Variants in ADAM2 observed in about 807,000 individuals in gnomAD.
ADAM2 encodes the protein ADAM metallopeptidase domain 2, also known as disintegrin and metalloproteinase domain-containing protein 2.
In ADAM2, 101 loss-of-function variants were observed where a neutral mutation model predicts 99.3. That is an observed-to-expected ratio of 1.02 (90% CI 0.87 to 1.20). ADAM2 has a LOEUF of 1.20. Ranked by LOEUF, ADAM2 falls within the 50% of genes most tolerant of loss-of-function variation. The pLI, the probability that ADAM2 is intolerant of heterozygous loss-of-function variation, is 0.00. For missense variants in ADAM2, 948 were observed against 878.7 expected (o/e 1.08, Z -1.00); for synonymous variants, 323 against 287.6 (o/e 1.12, Z -1.25).
chr8:39,744,410 AT>A (rs1291707619), intron 20 of ADAM2, among the ~76,000 whole-genome samples: 2 of 152,038 alleles, frequency 1.3e-5, no homozygotes, highest in East Asian at 3.8e-4. Flanking sequence ...TATTTAATAT[AT>A]TACGTTCTTT....
intron 7 of ADAM2, among the ~76,000 whole-genome samples, chr8:39,802,257 G>A (rs887485175): frequency 6.6e-6 from 1 of 152,124 alleles, no homozygotes. Flanking sequence ...CTCTCAGGTG[G>A]GCTGCCACAC....
intron 7 of ADAM2, 53 bp downstream of exon 7, chr8:39,809,357 A>G: frequency 1.3e-6 from 1 of 757,974 alleles, no homozygotes; most frequent in South Asian, 1.7e-5. Flanking sequence ...AATTATTATT[A>G]CAATCCCTCA....
chr8:39,751,990 G>A (rs761507170), intron 16 of ADAM2, among the ~76,000 whole-genome samples: 6 of 151,976 alleles, frequency 3.9e-5, no homozygotes, highest in Non-Finnish European at 5.9e-5. Flanking sequence ...GTGCCACCAC[G>A]CCCACTTAAT....
At chr8:39,831,013 C>G (rs1161804233) in intron 3 of ADAM2, among the ~76,000 whole-genome samples, 2 of 152,118 alleles carry the variant, frequency 1.3e-5, no homozygotes, top group African/African-American at 4.8e-5. Context: ...ATTTAAGAAC[C>G]AGGAAATGAG....
chr8:39,780,337 C>T (rs1034141701), intron 10 of ADAM2, among the ~76,000 whole-genome samples: 1 of 151,998 alleles, frequency 6.6e-6, no homozygotes, highest in East Asian at 1.9e-4. Flanking sequence ...GGGGACAGAG[C>T]CAAACCATAT....
chr8:39,807,015 G>A (rs537207924), intron 7 of ADAM2, among the ~76,000 whole-genome samples: 1 of 152,268 alleles, frequency 6.6e-6, no homozygotes, highest in East Asian at 1.9e-4. Flanking sequence ...AGAGATGATC[G>A]GAGCCACTGC....
At chr8:39,825,395 C>G (rs947907528) in intron 3 of ADAM2, among the ~76,000 whole-genome samples, 1 of 151,966 alleles carries the variant, frequency 6.6e-6, no homozygotes, top group Admixed American at 6.6e-5. Flanking sequence ...TATAATTATT[C>G]ATCTCATTTG....
At chr8:39,751,079 A>G (rs1037998960) in intron 16 of ADAM2, among the ~76,000 whole-genome samples, 2 of 152,184 alleles carry the variant, frequency 1.3e-5, no homozygotes, top group Non-Finnish European at 2.9e-5. Context: ...ATTGAGTATG[A>G]AAAAATACAT....
chr8:39,750,896 G>GTAT (rs1801909444), intron 16 of ADAM2, among the ~76,000 whole-genome samples: 1 of 152,114 alleles, frequency 6.6e-6, no homozygotes. Context: ...AATACTCAAA[G>GTAT]CGACTAATGG....
chr8:39,834,732 C>CAAAAAAAAAAA (rs79431764), intron 2 of ADAM2, among the ~76,000 whole-genome samples: 6 of 52,928 alleles, frequency 1.1e-4, no homozygotes, highest in East Asian at 7.3e-4. Context: ...AAGACTCCAT[C>CAAAAAAAAAAA]AAAAAAAAAA....
In ADAM2 at chr8:39,814,521, A is replaced by G. The variant is rs185746791; in HGVS notation, c.514-5055T>C. ...AGACTAAGGAATTGGATCTAGTCAG[A>G]AATATCAGAGAACTCACAGTATTAC... On this transcript the variant is annotated intron_variant, in intron 6 of 20. Transcript: ENST00000265708. Among the ~76,000 whole-genome samples the G allele has an allele frequency of 2.8e-3, 425 of 152,350 alleles. 2 individuals are homozygous for G. The highest frequency in any genetic ancestry group is 9.9e-3 in the African/African-American group (410 of 41,578).
intron 10 of ADAM2, among the ~76,000 whole-genome samples, chr8:39,785,709 T>C (rs1238350959): frequency 6.6e-6 from 1 of 151,220 alleles, no homozygotes; most frequent in African/African-American, 2.4e-5. Context: ...GGCTGGAGAA[T>C]TGCCTGAACC....
chr8:39,831,833 A>G (rs1406467389), intron 3 of ADAM2, among the ~76,000 whole-genome samples: 1 of 152,164 alleles, frequency 6.6e-6, no homozygotes, highest in Admixed American at 6.6e-5. Flanking sequence ...AACTTGATTC[A>G]CTAAAATTTA....
intron 11 of ADAM2, among the ~76,000 whole-genome samples, chr8:39,770,489 A>G (rs1469665411): frequency 2.0e-5 from 3 of 152,192 alleles, no homozygotes; most frequent in African/African-American, 7.2e-5. Context: ...CTCACAAAGT[A>G]TAACACAGTG....
chr8:39,805,181 C>A (rs185717373), intron 7 of ADAM2, among the ~76,000 whole-genome samples: 1 of 152,274 alleles, frequency 6.6e-6, no homozygotes, highest in East Asian at 1.9e-4. Context: ...AGGGCTTTGA[C>A]CTCATGACCT....
At chr8:39,764,523 T>C (rs1294734876) in intron 14 of ADAM2, among the ~76,000 whole-genome samples, 1 of 152,198 alleles carries the variant, frequency 6.6e-6, no homozygotes, top group Non-Finnish European at 1.5e-5. Context: ...ATCTCTCTCA[T>C]AGTTACCATC....
chr8:39,773,999 C>G (rs1217043652), intron 11 of ADAM2, among the ~76,000 whole-genome samples: 1 of 151,852 alleles, frequency 6.6e-6, no homozygotes, highest in Non-Finnish European at 1.5e-5. Context: ...ATTCCTCATT[C>G]CTTGATGCAG....
chr8:39,756,455 T>C (rs1445766583), intron 15 of ADAM2, among the ~76,000 whole-genome samples: 3 of 152,154 alleles, frequency 2.0e-5, no homozygotes, highest in Non-Finnish European at 4.4e-5. Flanking sequence ...AACCATAAGA[T>C]TTTTATTTGG....
chr8:39,747,524 C>G (rs1823525674), intron 18 of ADAM2, among the ~76,000 whole-genome samples: 2 of 152,092 alleles, frequency 1.3e-5, no homozygotes, highest in Non-Finnish European at 2.9e-5. Context: ...TTAAGTTTTT[C>G]TGAGATTTTA....
Sources: gnomAD v4.1 joint callset for allele counts (sites outside exome capture counted in the v4.1 genomes callset) on GRCh38, gnomAD v4.1.1 for gene constraint, MANE v1.5 for transcripts, NCBI Gene and HGNC (gene_info 2026-07-23, HGNC 2026-07-21) for gene names.